UBR3: variants seen among roughly 807,000 people sequenced by gnomAD.
UBR3 encodes ubiquitin protein ligase E3 component n-recognin 3, also known as E3 ubiquitin-protein ligase UBR3.
UBR3 carries 85 observed loss-of-function variants against 243.2 expected under a neutral mutation model. The ratio of observed to expected loss-of-function variants is 0.35; its 90% CI spans 0.29 to 0.42. UBR3 has a LOEUF of 0.42. Ranked by LOEUF, UBR3 falls within the 10% of genes least tolerant of loss-of-function variation. UBR3 has a pLI of 1.00. For synonymous variants in UBR3, 748 were observed against 799.8 expected, an observed-to-expected ratio of 0.94 and a Z score of 1.09; for missense variants, 1,686 against 2,300.8, an observed-to-expected ratio of 0.73 and a Z score of 5.47.
intron 24 of UBR3, among the ~76,000 whole-genome samples, chr2:169,981,603 AT>A (rs1267289144): frequency 8.5e-5 from 13 of 152,170 alleles, no homozygotes; most frequent in African/African-American, 3.1e-4. Flanking sequence ...GTAATGTGGT[AT>A]CCTGGGATGG....
intron 30 of UBR3, among the ~76,000 whole-genome samples, chr2:170,027,458 G>C (rs1400227942): frequency 2.0e-5 from 3 of 151,664 alleles, no homozygotes; most frequent in African/African-American, 7.2e-5. Context: ...AATTATGATA[G>C]GGATTAGGAA....
At chr2:169,939,326 T>G (rs1276989261) in intron 19 of UBR3, among the ~76,000 whole-genome samples, 2 of 151,570 alleles carry the variant, frequency 1.3e-5, no homozygotes, top group Non-Finnish European at 2.9e-5. Context: ...TGGCAGGATC[T>G]CTGCTCACTG....
intron 29 of UBR3, among the ~76,000 whole-genome samples, chr2:170,010,043 G>A (rs1209245149): frequency 1.3e-5 from 2 of 152,116 alleles, no homozygotes; most frequent in Non-Finnish European, 2.9e-5. Flanking sequence ...GTCTGAGAAT[G>A]CAAATACTGG....
chr2:169,831,847 A>T (rs951073426), intron 1 of UBR3, among the ~76,000 whole-genome samples: 1 of 152,150 alleles, frequency 6.6e-6, no homozygotes, highest in South Asian at 2.1e-4. Flanking sequence ...ATTGCCAAAG[A>T]TTGAATGTGT....
chr2:169,997,435 C>T (rs892875218), intron 26 of UBR3, among the ~76,000 whole-genome samples: 1 of 152,070 alleles, frequency 6.6e-6, no homozygotes, highest in African/African-American at 2.4e-5. Flanking sequence ...ACACCAGCAA[C>T]CACAGAGCCC....
At chr2:169,881,320 CAGGCA>C (rs2083813948) in intron 5 of UBR3, among the ~76,000 whole-genome samples, 1 of 151,908 alleles carries the variant, frequency 6.6e-6, no homozygotes, top group Non-Finnish European at 1.5e-5. Flanking sequence ...GCTGGGATTA[CAGGCA>C]TGCACTACCA....
At chr2:169,897,910 A>G (rs1183276749) in intron 8 of UBR3, among the ~76,000 whole-genome samples, 5 of 152,186 alleles carry the variant, frequency 3.3e-5, no homozygotes, top group African/African-American at 9.6e-5. Flanking sequence ...TGGCATTATT[A>G]TTATCCTTGC....
At chr2:170,066,903 G>A (rs1308021238) in intron 35 of UBR3, among the ~76,000 whole-genome samples, 1 of 151,710 alleles carries the variant, frequency 6.6e-6, no homozygotes, top group African/African-American at 2.4e-5. Context: ...GGCAGAGCTT[G>A]CAGTGAGCCG....
intron 5 of UBR3, among the ~76,000 whole-genome samples, chr2:169,883,146 T>C (rs1232920524): frequency 6.6e-6 from 1 of 152,220 alleles, no homozygotes; most frequent in Non-Finnish European, 1.5e-5. Flanking sequence ...AGTTCTTACT[T>C]TGGTCATCAT....
intron 26 of UBR3, among the ~76,000 whole-genome samples, chr2:169,997,831 TG>T (rs2089553742): frequency 2.0e-5 from 3 of 152,060 alleles, no homozygotes; most frequent in Non-Finnish European, 4.4e-5. Context: ...GGTCTCAGAA[TG>T]GGGGAGTGCA....
intron 1 of UBR3, among the ~76,000 whole-genome samples, chr2:169,870,206 T>C (rs1220871125): frequency 6.6e-6 from 1 of 152,268 alleles, no homozygotes; most frequent in Non-Finnish European, 1.5e-5. Flanking sequence ...AAGTAGTTTA[T>C]TAAGTCTTCT....
chr2:169,841,718 C>T (rs6745145), intron 1 of UBR3, among the ~76,000 whole-genome samples: 9,895 of 152,290 alleles, frequency 0.065, 341 homozygotes, highest in Non-Finnish European at 0.084. Flanking sequence ...CCAGCAGTGC[C>T]GGCCCACCGG....
intron 23 of UBR3, among the ~76,000 whole-genome samples, chr2:169,954,864 T>G (rs1015167778): frequency 1.3e-5 from 2 of 152,088 alleles, no homozygotes; most frequent in Non-Finnish European, 2.9e-5. Context: ...TGAGGCACTG[T>G]GCCCAGCCAG....
At chr2:169,960,691 C>T (rs2087531466) in intron 24 of UBR3, among the ~76,000 whole-genome samples, 1 of 152,058 alleles carries the variant, frequency 6.6e-6, no homozygotes, top group African/African-American at 2.4e-5. Context: ...TCCTTCCTTT[C>T]CTCTTTTACC....
At chr2:169,954,936 C>T (rs928446934) in intron 23 of UBR3, among the ~76,000 whole-genome samples, 1 of 152,112 alleles carries the variant, frequency 6.6e-6, no homozygotes, top group Non-Finnish European at 1.5e-5. Context: ...GTTGTCATGC[C>T]TCTTTGTTCT....
intron 24 of UBR3, among the ~76,000 whole-genome samples, chr2:169,981,614 GA>G (rs1328708752): frequency 2.0e-5 from 3 of 151,996 alleles, no homozygotes; most frequent in African/African-American, 7.2e-5. Context: ...TCCTGGGATG[GA>G]AAAAGGACAT....
At position 170,005,547 on chromosome 2, in the gene UBR3, A is replaced by G. The variant is rs115491628; in HGVS notation, c.4030-1443A>G. On this transcript the variant is annotated intron_variant, in intron 27 of 38. Coordinates refer to ENST00000272793, the MANE Select transcript of UBR3 (RefSeq NM_172070.4). Reference sequence around the variant, plus strand: ...GTGCAGATAGGATAAGAAAAACCTGATGAACTGGGAGAAAAAGAAGGGAGT... The same window carrying G: ...GTGCAGATAGGATAAGAAAAACCTGGTGAACTGGGAGAAAAAGAAGGGAGT... 2.3e-3 allele frequency among the ~76,000 whole-genome samples: 349 copies of G among 152,272 alleles called. 2 individuals carry two copies. Among genetic ancestry groups the G allele is most frequent in the African/African-American group, 8.1e-3 (338 of 41,558 alleles).
Position 170,078,303 on chromosome 2 carries a change from C to T in UBR3, c.5200-1511C>T, listed in dbSNP as rs536439954. 7 of 319,248 alleles carry T rather than the reference C, an allele frequency of 2.2e-5. No individual in the cohort carries two copies. In the East Asian group the frequency reaches 4.1e-4, roughly 18 times the overall value. The allele number at this position is 319,248 out of a possible 1,614,324, so 19.8% of individuals were successfully genotyped here. ...TATTTGATCTGTGGCATGGCACAGG[C>T]GCAGCCCCTGGGGTGCGAAAATGCT... On this transcript the variant is annotated intron_variant, in intron 36 of 38. Coordinates refer to ENST00000272793, the MANE Select transcript of UBR3 (RefSeq NM_172070.4).
intron 32 of UBR3, among the ~76,000 whole-genome samples, chr2:170,044,127 C>G (rs1163029476): frequency 6.6e-6 from 1 of 152,014 alleles, no homozygotes; most frequent in Non-Finnish European, 1.5e-5. Flanking sequence ...TTTTTCTTCT[C>G]CACTCCCTTT....
Sources: gnomAD v4.1 joint callset for allele counts (sites outside exome capture counted in the v4.1 genomes callset) on GRCh38, gnomAD v4.1.1 for gene constraint, MANE v1.5 for transcripts, NCBI Gene and HGNC (gene_info 2026-07-23, HGNC 2026-07-21) for gene names.